The following ZNF469 variants were observed in gnomAD, a reference collection of about 807,000 sequenced individuals.
ZNF469 encodes zinc finger protein 469.
ZNF469 carries 1 observed loss-of-function variant against 1.0 expected under a neutral mutation model. That is an observed-to-expected ratio of 1.00 (90% CI 0.35 to 4.73). The LOEUF (loss-of-function observed/expected upper bound fraction) is 4.73. Among genes scored for constraint, ZNF469 ranks in the 30% most tolerant of loss-of-function variants. The pLI is 0.16. For synonymous variants in ZNF469, 2,703 were observed against 2,363.4 expected (o/e 1.14, Z -4.17); for missense variants, 6,100 against 5,356.3 (o/e 1.14, Z -4.33).
At chr16:88,208,225 A>G in the ZNF469 span, among the ~76,000 whole-genome samples, 12 of 151,514 alleles carry the variant, frequency 7.9e-5, no homozygotes, top group Non-Finnish European at 1.2e-4. Context: ...ATCATCCTTT[A>G]AGTACCTATT....
the ZNF469 span, among the ~76,000 whole-genome samples, chr16:88,353,115 C>T: frequency 6.6e-6 from 1 of 152,160 alleles, no homozygotes; most frequent in Admixed American, 6.5e-5. Flanking sequence ...GGGCTGACAT[C>T]CCAGGGTGGG....
chr16:88,357,989 C>T, the ZNF469 span, among the ~76,000 whole-genome samples: 6 of 152,214 alleles, frequency 3.9e-5, no homozygotes, highest in Admixed American at 3.9e-4. Flanking sequence ...TCCACTTGTC[C>T]TGGGAAGAAA....
upstream of ZNF469, among the ~76,000 whole-genome samples, chr16:88,380,719 TAC>T (rs367800076): frequency 4.9e-3 from 432 of 88,420 alleles, no homozygotes; most frequent in African/African-American, 0.017. Flanking sequence ...CATGCACTCA[TAC>T]ACACACAGAC....
rs1283181331 is a variant in ZNF469 at position 88,430,600 on chromosome 16, G to A, written c.3130G>A (p.Gly1044Ser). Residue 1044 changes from glycine to serine, a missense_variant, in exon 3 of 3, where the codon GGC becomes AGC. Physicochemically the swap from Gly to Ser is moderately conservative, Grantham distance 56 (BLOSUM62 0). Coordinates refer to ENST00000565624, the MANE Select transcript of ZNF469 (RefSeq NM_001367624.2). ...KDPRKRKARG[G>S]AWGKELILKI... ...CCCCAGGAAGAGGAAGGCTCGGGGC[G>A]GCGCCTGGGGCAAGGAGCTCATTCT... The A allele has an allele frequency of 6.7e-7, 1 of 1,499,928 alleles. No homozygotes were observed. The highest frequency in any genetic ancestry group is 2.7e-5 in the East Asian group (1 of 36,998). The allele number at this position is 1,499,928 out of a possible 1,614,324, so 92.9% of individuals were successfully genotyped here.
chr16:88,434,146 T>G lies in ZNF469; in HGVS notation c.6676T>G (p.Ser2226Ala). 1 of 1,550,210 alleles carries G rather than the reference T, an allele frequency of 6.5e-7. No individual in the cohort carries two copies. Among genetic ancestry groups the G allele is most frequent in the Non-Finnish European group, 8.7e-7 (1 of 1,146,930 alleles). ...GGAGGGCAGCCCCCTGGAAGACCCT[T>G]CCTCCTGGCCTCCTGGCTCCGTCAG... ...QGEGSPLEDPSSWPPGSVSAV... is the reference protein window; with the variant it reads ...QGEGSPLEDPASWPPGSVSAV... Residue 2226 changes from serine (S) to alanine (A), a missense_variant, in exon 3 of 3, where the codon TCC (serine) becomes GCC (alanine). Physicochemically the swap from Ser to Ala is moderately conservative, Grantham distance 99 (BLOSUM62 1). Transcript: ENST00000565624.
the ZNF469 span, among the ~76,000 whole-genome samples, chr16:88,373,804 C>T: frequency 6.6e-6 from 1 of 152,112 alleles, no homozygotes; most frequent in Non-Finnish European, 1.5e-5. Flanking sequence ...TGAGACCAAC[C>T]TGACCAACAT....
rs1229300189 is a variant in ZNF469 at position 88,392,286 on chromosome 16, G to C, written c.-192+9032G>C. 2.0e-5 allele frequency among the ~76,000 whole-genome samples: 3 copies of C among 152,244 alleles called. No homozygotes were observed. The East Asian group carries it at 5.8e-4, about 29-fold the overall frequency. On this transcript the variant is annotated intron_variant, in intron 1 of 2. Transcript: ENST00000565624. ...CGCTCCGTGGCCACGTATGCCCGCA[G>C]CTGCTGCACGAGCAGCTCAGCCCTG...
chr16:88,217,527 G>A, the ZNF469 span, among the ~76,000 whole-genome samples: 2 of 147,188 alleles, frequency 1.4e-5, no homozygotes, highest in African/African-American at 2.5e-5. Flanking sequence ...TGCCATGCTG[G>A]TGTGCTGCAC....
At chr16:88,399,420 G>C (rs1410096974) in intron 1 of ZNF469, among the ~76,000 whole-genome samples, 1 of 151,522 alleles carries the variant, frequency 6.6e-6, no homozygotes, top group Admixed American at 6.6e-5. Flanking sequence ...CAAGATGACA[G>C]TGTTGGAATT....
the ZNF469 span, among the ~76,000 whole-genome samples, chr16:88,249,087 G>C: frequency 2.0e-5 from 3 of 152,002 alleles, no homozygotes; most frequent in East Asian, 5.8e-4. Context: ...ATCCATTGCT[G>C]ATGCCCCAAA....
the ZNF469 span, among the ~76,000 whole-genome samples, chr16:88,163,503 T>A: frequency 1.1e-5 from 1 of 87,202 alleles, no homozygotes; most frequent in African/African-American, 4.4e-5. Context: ...GATGAATGGA[T>A]GGATGGATGG....
chr16:88,435,425 C>T lies in ZNF469; in HGVS notation c.7955C>T (p.Ser2652Phe). 6.5e-7 allele frequency: 1 copy of T among 1,550,302 alleles called. No homozygotes were observed. Among genetic ancestry groups the T allele is most frequent in the Non-Finnish European group, 8.7e-7 (1 of 1,146,986 alleles). ...RLREESILPV[S>F]ADVISDGRGS... The stretch of plus-strand genomic sequence containing the variant: ...CGGGAGGAGAGCATTCTTCCAGTCT[C>T]TGCTGATGTGATTTCAGATGGGCGC... The change falls in exon 3 of 3, where the codon TCT becomes TTT. Residue 2652 changes from serine (S) to phenylalanine (F), a missense_variant. Transcript: ENST00000565624.
At chr16:88,368,914 A>G in the ZNF469 span, among the ~76,000 whole-genome samples, 1 of 152,128 alleles carries the variant, frequency 6.6e-6, no homozygotes, top group East Asian at 1.9e-4. Flanking sequence ...CCCTATCTCT[A>G]CTAAAAACAC....
At chr16:88,369,999 C>G in the ZNF469 span, among the ~76,000 whole-genome samples, 3 of 152,168 alleles carry the variant, frequency 2.0e-5, no homozygotes, top group Non-Finnish European at 2.9e-5. Flanking sequence ...AAAATAATAC[C>G]TGTTCTTTAC....
chr16:88,233,393 C>T, the ZNF469 span, among the ~76,000 whole-genome samples: 1 of 152,230 alleles, frequency 6.6e-6, no homozygotes, highest in African/African-American at 2.4e-5. Context: ...AGTCTGGGGG[C>T]CACCTGGGAA....
chr16:88,109,445 G>A, the ZNF469 span, among the ~76,000 whole-genome samples: 3 of 152,274 alleles, frequency 2.0e-5, no homozygotes, highest in African/African-American at 7.2e-5. Context: ...ATGTCACGTG[G>A]ATCAGGCAAA....
At chr16:88,275,546 G>A in the ZNF469 span, among the ~76,000 whole-genome samples, 3 of 151,922 alleles carry the variant, frequency 2.0e-5, no homozygotes, top group South Asian at 2.1e-4. Flanking sequence ...GGAGTGGCTC[G>A]GGCCCTCACA....
At chr16:88,247,598 G>A in the ZNF469 span, among the ~76,000 whole-genome samples, 22 of 94,782 alleles carry the variant, frequency 2.3e-4, no homozygotes, top group African/African-American at 8.3e-4. Flanking sequence ...CTGAGTGAAC[G>A]AGTGAGTGAG....
the ZNF469 span, among the ~76,000 whole-genome samples, chr16:88,316,785 G>T: frequency 6.6e-6 from 1 of 152,020 alleles, no homozygotes; most frequent in African/African-American, 2.4e-5. Flanking sequence ...GACCTCAAGT[G>T]ATCCACCCGC....
Sources: gnomAD v4.1 joint callset for allele counts (sites outside exome capture counted in the v4.1 genomes callset) on GRCh38, gnomAD v4.1.1 for gene constraint, MANE v1.5 for transcripts, NCBI Gene and HGNC (gene_info 2026-07-23, HGNC 2026-07-21) for gene names.